DOCK1: variants seen among roughly 807,000 people sequenced by gnomAD.
DOCK1 encodes the protein dedicator of cytokinesis protein 1.
Under a neutral mutation model 262.7 loss-of-function variants are expected in DOCK1, and 138 were observed. That is an observed-to-expected ratio of 0.53 (90% CI 0.46 to 0.61). The LOEUF (loss-of-function observed/expected upper bound fraction) is 0.61. Ranked by LOEUF, DOCK1 falls within the 20% of genes least tolerant of loss-of-function variation. DOCK1 has a pLI of 0.00. For synonymous variants in DOCK1, 866 were observed against 867.4 expected (o/e 1.00, Z 0.03); for missense variants, 1,908 against 2,370.7 (o/e 0.80, Z 4.05).
intron 38 of DOCK1, 21 bp from the exon 39 acceptor site, chr10:127,403,034 T>C: frequency 6.3e-7 from 1 of 1,596,994 alleles, no homozygotes; most frequent in East Asian, 2.2e-5. Flanking sequence ...TTCTCTTTCT[T>C]TTCTTTATTT....
chr10:127,088,444 C>A (rs117740465), intron 23 of DOCK1, among the ~76,000 whole-genome samples: 2,434 of 152,156 alleles, frequency 0.016, 55 homozygotes, highest in Non-Finnish European at 0.018. Context: ...ATGGTAGATA[C>A]CTCAACTGTG....
rs573727614 is a variant in DOCK1, at chr10:127,451,905, G to A, written c.*478G>A. Reference sequence around the variant, plus strand: ...TTGTTCCAGCCGGTGGTGTGACTTCGTTGGTTGAGGTGTGTCTCCAACCTA... The same window carrying A: ...TTGTTCCAGCCGGTGGTGTGACTTCATTGGTTGAGGTGTGTCTCCAACCTA... On this transcript the variant is annotated 3_prime_UTR_variant, in exon 52 of 52. Transcript: ENST00000623213. The A allele has an allele frequency of 3.5e-4, 60 of 169,718 alleles. No homozygotes were observed. Among genetic ancestry groups the A allele is most frequent in the African/African-American group, 1.2e-3 (52 of 41,908 alleles). The allele number at this position is 169,718 out of a possible 1,614,324, so 10.5% of individuals were successfully genotyped here.
intron 49 of DOCK1, among the ~76,000 whole-genome samples, chr10:127,440,647 C>A (rs1233276609): frequency 1.3e-5 from 2 of 152,176 alleles, no homozygotes; most frequent in African/African-American, 4.8e-5. Context: ...ATACTTCATG[C>A]CACTCAGAAA....
intron 33 of DOCK1, among the ~76,000 whole-genome samples, chr10:127,364,754 A>G (rs887431874): frequency 5.3e-5 from 8 of 152,092 alleles, no homozygotes; most frequent in Non-Finnish European, 1.0e-4. Flanking sequence ...TAACTTCCCC[A>G]GTGTAATGTC....
intron 27 of DOCK1, among the ~76,000 whole-genome samples, chr10:127,247,133 A>G (rs1042689274): frequency 6.6e-6 from 1 of 152,136 alleles, no homozygotes; most frequent in Non-Finnish European, 1.5e-5. Flanking sequence ...ACGCAAACAA[A>G]CGTGTGCACA....
At chr10:127,225,984 A>G (rs1045304604) in intron 27 of DOCK1, among the ~76,000 whole-genome samples, 4 of 151,660 alleles carry the variant, frequency 2.6e-5, no homozygotes, top group Non-Finnish European at 5.9e-5. Context: ...AGGCTGAGGC[A>G]GGAGAATCGA....
At chr10:126,960,713 C>T (rs2037124890) in intron 1 of DOCK1, among the ~76,000 whole-genome samples, 1 of 138,758 alleles carries the variant, frequency 7.2e-6, no homozygotes, top group East Asian at 2.0e-4. Context: ...TATAAACAGA[C>T]CTACCCTCAA....
intron 12 of DOCK1, among the ~76,000 whole-genome samples, chr10:127,016,845 C>T (rs866918234): frequency 6.3e-5 from 8 of 126,248 alleles, no homozygotes; most frequent in Non-Finnish European, 1.4e-4. Context: ...CATACACACA[C>T]ACAGATACCA....
intron 48 of DOCK1, 50 bp from the exon 49 acceptor site, chr10:127,438,977 G>A (rs1192217986): frequency 1.3e-6 from 2 of 1,487,856 alleles, no homozygotes; most frequent in Admixed American, 2.3e-5. Context: ...GTGTCTGTGG[G>A]CTGGAAAGCA....
chr10:127,410,293 A>G (rs2067766845), intron 42 of DOCK1, among the ~76,000 whole-genome samples: 1 of 152,142 alleles, frequency 6.6e-6, no homozygotes, highest in Non-Finnish European at 1.5e-5. Context: ...GCCTTCTCAG[A>G]TGCAGTAGTT....
At chr10:126,923,594 A>C (rs766348749) in intron 1 of DOCK1, among the ~76,000 whole-genome samples, 6 of 152,232 alleles carry the variant, frequency 3.9e-5, no homozygotes, top group Non-Finnish European at 7.3e-5. Context: ...ACTGCACTCC[A>C]GCCTGGGTGA....
chr10:126,919,682 C>T (rs1040182347), intron 1 of DOCK1, among the ~76,000 whole-genome samples: 3 of 152,220 alleles, frequency 2.0e-5, no homozygotes, highest in African/African-American at 7.2e-5. Context: ...CCAACCCAGG[C>T]TGGATGACCC....
chr10:127,153,196 G>GA (rs1301829132), intron 27 of DOCK1, among the ~76,000 whole-genome samples: 3 of 152,104 alleles, frequency 2.0e-5, no homozygotes, highest in African/African-American at 7.2e-5. Flanking sequence ...AAAAAGAAAA[G>GA]AAAAAAGGAT....
chr10:127,077,464 G>A (rs1037962563), intron 23 of DOCK1, among the ~76,000 whole-genome samples: 14 of 152,270 alleles, frequency 9.2e-5, no homozygotes, highest in East Asian at 5.8e-4. Flanking sequence ...GCTTCATGTC[G>A]GTTGGCTTCT....
intron 27 of DOCK1, among the ~76,000 whole-genome samples, chr10:127,149,018 C>T (rs2052201879): frequency 6.6e-6 from 1 of 152,124 alleles, no homozygotes; most frequent in Non-Finnish European, 1.5e-5. Flanking sequence ...CAATCCTCTG[C>T]CGAAGAAGTG....
intron 27 of DOCK1, among the ~76,000 whole-genome samples, chr10:127,215,984 G>T (rs1328055930): frequency 6.6e-6 from 1 of 152,094 alleles, no homozygotes; most frequent in African/African-American, 2.4e-5. Context: ...TTGCATTGCT[G>T]GATTATCTAA....
chr10:127,017,401 A>G (rs1265974464), intron 12 of DOCK1, among the ~76,000 whole-genome samples: 2 of 152,148 alleles, frequency 1.3e-5, no homozygotes, highest in African/African-American at 4.8e-5. Context: ...AGATACAGAC[A>G]CAGACATACA....
intron 2 of DOCK1, among the ~76,000 whole-genome samples, chr10:126,976,308 G>A (rs1379775196): frequency 6.6e-6 from 1 of 152,184 alleles, no homozygotes; most frequent in Non-Finnish European, 1.5e-5. Flanking sequence ...CCCCCAATCA[G>A]TCTGTTGAGT....
At chr10:127,390,217 C>T (rs1487282122) in intron 38 of DOCK1, among the ~76,000 whole-genome samples, 1 of 152,138 alleles carries the variant, frequency 6.6e-6, no homozygotes, top group African/African-American at 2.4e-5. Flanking sequence ...TCTTTAAGCC[C>T]TCTGAGCAGC....
Sources: gnomAD v4.1 joint callset for allele counts (sites outside exome capture counted in the v4.1 genomes callset) on GRCh38, gnomAD v4.1.1 for gene constraint, MANE v1.5 for transcripts, NCBI Gene and HGNC (gene_info 2026-07-23, HGNC 2026-07-21) for gene names.